BCR: variants seen among roughly 807,000 people sequenced by gnomAD.
BCR encodes BCR activator of RhoGEF and GTPase, also known as breakpoint cluster region protein.
In BCR, 58 loss-of-function variants were observed where a neutral mutation model predicts 138.6. The ratio of observed to expected loss-of-function variants is 0.42; its 90% CI spans 0.34 to 0.52. The LOEUF (loss-of-function observed/expected upper bound fraction) is 0.52. Ranked by LOEUF, BCR falls within the 20% of genes least tolerant of loss-of-function variation. BCR has a pLI of 0.06. For synonymous variants in BCR, 786 were observed against 730.1 expected, an observed-to-expected ratio of 1.08 and a Z score of -1.23; for missense variants, 1,599 against 1,727.2, an observed-to-expected ratio of 0.93 and a Z score of 1.32.
chr22:23,183,645 C>T (rs1462364413), intron 1 of BCR, among the ~76,000 whole-genome samples: 1 of 152,214 alleles, frequency 6.6e-6, no homozygotes, highest in Non-Finnish European at 1.5e-5. Context: ...TACTGGGCAC[C>T]AGCCTTGTCT....
At chr22:23,269,417 G>A (rs1197922019) in intron 5 of BCR, among the ~76,000 whole-genome samples, 4 of 152,252 alleles carry the variant, frequency 2.6e-5, no homozygotes, top group Non-Finnish European at 4.4e-5. Flanking sequence ...CGCAGGGTTA[G>A]AAAGAGGCAT....
chr22:23,218,074 C>G (rs914569623), intron 1 of BCR, among the ~76,000 whole-genome samples: 4 of 152,204 alleles, frequency 2.6e-5, no homozygotes, highest in African/African-American at 9.7e-5. Flanking sequence ...GAATCCTTCC[C>G]CTGTCGCATT....
intron 16 of BCR, among the ~76,000 whole-genome samples, chr22:23,309,146 G>A (rs1375947569): frequency 6.6e-6 from 1 of 152,140 alleles, no homozygotes; most frequent in Non-Finnish European, 1.5e-5. Flanking sequence ...GAGAGAGCCT[G>A]CCAGCCTGCA....
intron 2 of BCR, 105 bp from the exon 3 acceptor site, chr22:23,260,845 G>T: frequency 9.5e-7 from 1 of 1,052,266 alleles, no homozygotes; most frequent in East Asian, 2.4e-5. Flanking sequence ...TGGGGGCAGG[G>T]GTTTGTCCAG....
chr22:23,268,128 G>T (rs1041289790), intron 4 of BCR, among the ~76,000 whole-genome samples: 2 of 152,204 alleles, frequency 1.3e-5, no homozygotes, highest in African/African-American at 4.8e-5. Flanking sequence ...CCATTTCAGC[G>T]AATGGGGTGG....
intron 1 of BCR, among the ~76,000 whole-genome samples, chr22:23,206,576 CAAA>C (rs559810867): frequency 2.2e-5 from 2 of 89,686 alleles, no homozygotes; most frequent in Admixed American, 1.3e-4. Context: ...GACTCCGTCT[CAAA>C]AAAAAAAAAA....
Position 23,180,588 on chromosome 22 carries a change from C to CGGT in BCR, c.-371_-370insTGG. ...TCCGAGGAGGCGGCGGCGGCGGCGGCGGCACGGCGGCGGCGGGGCTGTGGG... is the reference window on the plus strand; with the variant it reads ...TCCGAGGAGGCGGCGGCGGCGGCGGCGGTGGCACGGCGGCGGCGGGGCTGTGGG... On this transcript the variant is annotated 5_prime_UTR_variant, in exon 1 of 23. Transcript: ENST00000305877. The CGGT allele has an allele frequency of 2.8e-5, 1 of 35,212 alleles. No individual in the cohort carries two copies. The highest frequency in any genetic ancestry group is 3.8e-5 in the Non-Finnish European group (1 of 26,560). 2.2% of individuals were successfully genotyped at this position (35,212 alleles called of 1,614,324 possible). A position where few individuals can be genotyped will look rare whatever the true frequency, so the allele number is the denominator to read the frequency against.
intron 8 of BCR, among the ~76,000 whole-genome samples, chr22:23,280,933 G>A (rs1421590864): frequency 1.3e-5 from 2 of 152,174 alleles, no homozygotes; most frequent in Admixed American, 1.3e-4. Flanking sequence ...ACACAGGCCT[G>A]ACACGCACAG....
At chr22:23,254,571 C>A (rs1000294190) in intron 2 of BCR, 1 of 518,700 alleles carries the variant, frequency 1.9e-6, no homozygotes, top group Non-Finnish European at 3.8e-6. Flanking sequence ...GGACCCACGC[C>A]CCCCCTCACA....
At chr22:23,278,498 G>A (rs971832013) in intron 8 of BCR, among the ~76,000 whole-genome samples, 7 of 152,270 alleles carry the variant, frequency 4.6e-5, no homozygotes, top group South Asian at 4.1e-4. Context: ...AGGCCGAGGC[G>A]GGTGGATCAC....
chr22:23,273,039 T>C, intron 6 of BCR, 42 bp from the exon 7 acceptor site: 4 of 1,604,124 alleles, frequency 2.5e-6, no homozygotes, highest in Non-Finnish European at 3.4e-6. Flanking sequence ...CTGGTGTGCT[T>C]CTCCATGTGC....
intron 8 of BCR, among the ~76,000 whole-genome samples, chr22:23,281,275 C>T (rs777361292): frequency 7.2e-4 from 110 of 152,250 alleles, no homozygotes; most frequent in Non-Finnish European, 1.2e-3. Flanking sequence ...GACTGTTTGC[C>T]CTAGTTGAGA....
chr22:23,242,465 G>A (rs996391375), intron 1 of BCR, among the ~76,000 whole-genome samples: 1 of 152,160 alleles, frequency 6.6e-6, no homozygotes, highest in Non-Finnish European at 1.5e-5. Flanking sequence ...GCTGCAGCTC[G>A]AAGTCAGTGT....
At chr22:23,255,237 C>T (rs2073279671) in intron 2 of BCR, among the ~76,000 whole-genome samples, 1 of 152,082 alleles carries the variant, frequency 6.6e-6, no homozygotes, top group South Asian at 2.1e-4. Context: ...TCATTCTGAA[C>T]CGAGAGGATG....
At chr22:23,258,789 G>A (rs1043039819) in intron 2 of BCR, among the ~76,000 whole-genome samples, 1 of 152,242 alleles carries the variant, frequency 6.6e-6, no homozygotes. Context: ...TGTCAGCGGG[G>A]CCAACGAGAA....
rs753049312 is a variant in BCR, at chr22:23,290,342, A to T, written c.2711A>T (p.Asp904Val). The T allele has an allele frequency of 6.2e-7, 1 of 1,613,888 alleles. No homozygotes were observed. The highest frequency in any genetic ancestry group is 2.2e-5 in the East Asian group (1 of 44,894). Residue 904 changes from aspartate (D) to valine (V), a missense_variant, in exon 14 of 23, where the codon GAT becomes GTT. Asp to Val is a radical substitution (Grantham distance 152). Around this residue, in one of 4 missense-constraint regions of BCR, gnomAD observed 590 missense variants for 762.4 expected, o/e 0.77. Coordinates refer to ENST00000305877, the MANE Select transcript of BCR (RefSeq NM_004327.4). ...SIPLTINKED[D>V]ESPGLYGFLN... ...ACCTCTTTGATCTCTTGCGCAGATGATGAGTCTCCGGGGCTCTATGGGTTT... is the reference window on the plus strand; with the variant it reads ...ACCTCTTTGATCTCTTGCGCAGATGTTGAGTCTCCGGGGCTCTATGGGTTT...
At chr22:23,193,205 A>T (rs1182907826) in intron 1 of BCR, among the ~76,000 whole-genome samples, 1 of 152,256 alleles carries the variant, frequency 6.6e-6, no homozygotes, top group African/African-American at 2.4e-5. Flanking sequence ...ATGACGAGGT[A>T]TTGATGAGCA....
intron 1 of BCR, among the ~76,000 whole-genome samples, chr22:23,220,073 C>T (rs1316598546): frequency 6.6e-6 from 1 of 152,222 alleles, no homozygotes; most frequent in Admixed American, 6.5e-5. Context: ...TGTTCTGCCA[C>T]CTGCCCTTTG....
intron 1 of BCR, among the ~76,000 whole-genome samples, chr22:23,214,937 A>G (rs186105665): frequency 6.6e-6 from 1 of 152,232 alleles, no homozygotes; most frequent in East Asian, 1.9e-4. Context: ...GAACTTTTTC[A>G]TCTTCCCCAG....
Sources: allele counts gnomAD v4.1 joint callset (sites outside exome capture counted in the v4.1 genomes callset), GRCh38; gene constraint gnomAD v4.1.1; regional missense constraint gnomAD v4.1.1; transcripts MANE v1.5; gene names NCBI Gene and HGNC (gene_info 2026-07-23, HGNC 2026-07-21).